NTRK3: variants seen among roughly 807,000 people sequenced by gnomAD.
NTRK3 encodes NT-3 growth factor receptor.
Under a neutral mutation model 91.7 loss-of-function variants are expected in NTRK3, and 24 were observed. That is an observed-to-expected ratio of 0.26 (90% CI 0.19 to 0.37). The LOEUF is 0.37. NTRK3 is among the 10% of genes least tolerant of loss of function. NTRK3 has a pLI of 1.00. For missense variants in NTRK3, 880 were observed against 1,068.9 expected, an observed-to-expected ratio of 0.82 and a Z score of 2.46; for synonymous variants, 483 against 404.0, an observed-to-expected ratio of 1.20 and a Z score of -2.34.
chr15:88,066,179 C>T lies in NTRK3; in HGVS notation c.1397-33134G>A, dbSNP rs561042025. On this transcript the variant is annotated intron_variant, in intron 13 of 18. Transcript: ENST00000394480. ...TGATAAAGACCTTGCTTTTTCTATTCTCCATAGTCCCTAACTCACCCCAGA... is the reference window on the plus strand; with the variant it reads ...TGATAAAGACCTTGCTTTTTCTATTTTCCATAGTCCCTAACTCACCCCAGA... Among the ~76,000 whole-genome samples the T allele has an allele frequency of 2.6e-5, 4 of 152,266 alleles. No individual in the cohort carries two copies. In the South Asian group the frequency reaches 6.2e-4, roughly 24 times the overall value.
At position 88,240,043 on chromosome 15, in the gene NTRK3, G is replaced by A. The variant is rs958169228; in HGVS notation, c.248+15863C>T. 4.6e-5 allele frequency among the ~76,000 whole-genome samples: 7 copies of A among 151,284 alleles called. No individual in the cohort carries two copies. The highest frequency in any genetic ancestry group is 2.0e-4 in the East Asian group (1 of 5,114). Reference sequence around the variant, plus strand: ...CAGAACACACATATACACACACAGCGACACACACAGACACACACACACACA... The same window carrying A: ...CAGAACACACATATACACACACAGCAACACACACAGACACACACACACACA... On this transcript the variant is annotated intron_variant, in intron 3 of 18. Coordinates refer to ENST00000394480, the Ensembl canonical transcript of NTRK3. This position sits in a 1 kb window ranked among gnomAD's most constrained non-coding sequence, Gnocchi z 4.9.
intron 14 of NTRK3, among the ~76,000 whole-genome samples, chr15:87,999,243 C>G (rs1011345161): frequency 2.6e-5 from 4 of 152,164 alleles, no homozygotes; most frequent in African/African-American, 9.7e-5. Context: ...CCACACTATT[C>G]CTCTGAACAA....
chr15:88,038,426 C>T (rs1253344645), intron 13 of NTRK3, among the ~76,000 whole-genome samples: 1 of 152,308 alleles, frequency 6.6e-6, no homozygotes, highest in African/African-American at 2.4e-5. Flanking sequence ...GCAACTGGCC[C>T]CTGCCTGCTT....
At chr15:88,022,558 C>CA (rs770133384) in intron 14 of NTRK3, among the ~76,000 whole-genome samples, 2 of 152,154 alleles carry the variant, frequency 1.3e-5, no homozygotes, top group Non-Finnish European at 2.9e-5. Context: ...TCCTTGAAGA[C>CA]AAGACTGAAG....
chr15:88,137,707 T>C (rs934649514), intron 6 of NTRK3, 146 bp from the exon 7 acceptor site: 3 of 794,226 alleles, frequency 3.8e-6, no homozygotes, highest in Non-Finnish European at 6.0e-6. Context: ...AGTGGAAAAA[T>C]CCTTGTAAGT....
At chr15:88,062,603 A>G (rs989288716) in intron 13 of NTRK3, among the ~76,000 whole-genome samples, 1 of 152,200 alleles carries the variant, frequency 6.6e-6, no homozygotes. Context: ...GCCCCTAGAT[A>G]AAAGGACCCC....
intron 3 of NTRK3, among the ~76,000 whole-genome samples, chr15:88,254,648 G>A (rs1305291434): frequency 6.6e-6 from 1 of 152,172 alleles, no homozygotes; most frequent in Non-Finnish European, 1.5e-5. Context: ...AGCAAGGGGA[G>A]GTGCTCCCAG....
At chr15:88,245,037 C>A (rs1274932203) in intron 3 of NTRK3, among the ~76,000 whole-genome samples, 3 of 152,192 alleles carry the variant, frequency 2.0e-5, no homozygotes, top group African/African-American at 7.2e-5. Context: ...CCAAAGGAGT[C>A]CCTTAGCAGG....
intron 17 of NTRK3, among the ~76,000 whole-genome samples, chr15:87,889,783 C>G (rs1006764769): frequency 6.6e-6 from 1 of 152,008 alleles, no homozygotes; most frequent in Non-Finnish European, 1.5e-5. Context: ...TATCAAAATA[C>G]TAATAATGCC....
At chr15:87,890,180 T>C (rs1290294532) in intron 17 of NTRK3, among the ~76,000 whole-genome samples, 2 of 152,096 alleles carry the variant, frequency 1.3e-5, no homozygotes, top group East Asian at 1.9e-4. Context: ...TGCTTCCTTC[T>C]GTAACACAAC....
chr15:87,964,977 TA>T (rs2072655253), intron 14 of NTRK3, among the ~76,000 whole-genome samples: 1 of 152,216 alleles, frequency 6.6e-6, no homozygotes, highest in Admixed American at 6.5e-5. Flanking sequence ...TATATGTGTG[TA>T]TTTTTTTAAC....
chr15:88,171,642 C>T (rs982197195), intron 5 of NTRK3, among the ~76,000 whole-genome samples: 1 of 152,134 alleles, frequency 6.6e-6, no homozygotes, highest in Admixed American at 6.5e-5. Context: ...TAATCCTCAC[C>T]CAAAGCCCTG....
intron 14 of NTRK3, among the ~76,000 whole-genome samples, chr15:87,954,001 C>A (rs1686950445): frequency 1.4e-5 from 2 of 141,146 alleles, no homozygotes; most frequent in Admixed American, 1.4e-4. Flanking sequence ...CCTGCCAGAC[C>A]TTTTCAGTGT....
chr15:87,943,814 G>A (rs2070149259), intron 14 of NTRK3, among the ~76,000 whole-genome samples: 1 of 152,042 alleles, frequency 6.6e-6, no homozygotes, highest in Non-Finnish European at 1.5e-5. Flanking sequence ...CAAACCCCTG[G>A]TTGCAGGAGT....
At chr15:88,186,752 T>A (rs924600564) in intron 3 of NTRK3, among the ~76,000 whole-genome samples, 24 of 152,346 alleles carry the variant, frequency 1.6e-4, no homozygotes, top group Non-Finnish European at 3.2e-4. Context: ...CAAGCTACAA[T>A]AACAGAGCTG....
At chr15:87,958,564 C>A (rs138313318) in intron 14 of NTRK3, among the ~76,000 whole-genome samples, 9 of 152,014 alleles carry the variant, frequency 5.9e-5, no homozygotes, top group African/African-American at 1.9e-4. Context: ...ATTCACTCAA[C>A]GGCTCAAGCC....
At chr15:88,157,552 C>T (rs928500931) in intron 5 of NTRK3, among the ~76,000 whole-genome samples, 7 of 151,890 alleles carry the variant, frequency 4.6e-5, no homozygotes, top group Non-Finnish European at 1.0e-4. Context: ...GCAGCCCTTC[C>T]CTGTTCCCTC....
intron 9 of NTRK3, 50 bp downstream of exon 9, chr15:88,135,849 T>C (rs1470485965): frequency 6.2e-7 from 1 of 1,608,942 alleles, no homozygotes; most frequent in Non-Finnish European, 8.5e-7. Flanking sequence ...CAGCCTCCTA[T>C]GCCAGTTGCC....
At chr15:88,220,569 A>C (rs895578278) in intron 3 of NTRK3, among the ~76,000 whole-genome samples, 1 of 152,210 alleles carries the variant, frequency 6.6e-6, no homozygotes, top group Non-Finnish European at 1.5e-5. Flanking sequence ...GTGAGAATGA[A>C]ATGGGTCAGA....
Sources: allele counts gnomAD v4.1 joint callset (sites outside exome capture counted in the v4.1 genomes callset), GRCh38; gene constraint gnomAD v4.1.1; non-coding constraint Gnocchi (gnomAD v3.1); transcripts MANE v1.5; gene names NCBI Gene and HGNC (gene_info 2026-07-23, HGNC 2026-07-21).